Variants in MLPH observed in about 807,000 individuals in gnomAD.
MLPH encodes exophilin-3.
A neutral mutation model predicts 72.1 loss-of-function variants in MLPH; 51 were observed. That is an observed-to-expected ratio of 0.71 (90% CI 0.56 to 0.89). The LOEUF is 0.89. MLPH is among the 40% of genes least tolerant of loss of function. The pLI is 0.00. For missense variants in MLPH, 743 were observed against 759.9 expected (o/e 0.98, Z 0.26); for synonymous variants, 301 against 310.1 (o/e 0.97, Z 0.31).
chr2:237,537,767 G>A (rs1042198219), intron 9 of MLPH: 1 of 152,220 alleles, frequency 6.6e-6, no homozygotes. Context: ...TGCAGCCCAG[G>A]GGCGCCGTGG....
At chr2:237,509,706 G>A (rs149633016) in intron 2 of MLPH, among the ~76,000 whole-genome samples, 1 of 152,224 alleles carries the variant, frequency 6.6e-6, no homozygotes, top group African/African-American at 2.4e-5. Context: ...GTAAATAGTG[G>A]AGAGAGGAAA....
At position 237,541,045 on chromosome 2, in the gene MLPH, TC is replaced by T; in HGVS notation, c.1446+90del. The stretch of plus-strand genomic sequence containing the variant: ...CCTTGAACATCTGCCAGCTCTAACA[TC>T]CGCCAGCTCACACTGAGCCCTCCCC... On this transcript the variant is annotated intron_variant, in intron 11 of 15. Transcript: ENST00000264605. This position sits in a 1 kb window ranked among gnomAD's most constrained non-coding sequence, Gnocchi z 5.1. 6.7e-7 allele frequency: 1 copy of T among 1,494,566 alleles called. No homozygotes were observed. Among genetic ancestry groups the T allele is most frequent in the African/African-American group, 1.4e-5 (1 of 71,948 alleles). 92.6% of individuals were successfully genotyped at this position (1,494,566 alleles called of 1,614,324 possible).
chr2:237,500,189 G>A (rs1473578509), intron 2 of MLPH, among the ~76,000 whole-genome samples: 2 of 152,122 alleles, frequency 1.3e-5, no homozygotes, highest in African/African-American at 2.4e-5. Flanking sequence ...GGAACTTCTT[G>A]GACTCTTTAA....
intron 9 of MLPH, among the ~76,000 whole-genome samples, chr2:237,539,937 G>C (rs1217269931): frequency 1.3e-5 from 2 of 152,172 alleles, no homozygotes; most frequent in African/African-American, 2.4e-5. Context: ...AGCCCCTGAA[G>C]CTGGACCCGA....
intron 4 of MLPH, among the ~76,000 whole-genome samples, chr2:237,515,314 G>A (rs1051936275): frequency 6.6e-6 from 1 of 152,274 alleles, no homozygotes; most frequent in Middle Eastern, 3.4e-3. Context: ...CCGAATGCTC[G>A]CCAGGTGCCG....
intron 14 of MLPH, among the ~76,000 whole-genome samples, chr2:237,551,074 A>C (rs2081028310): frequency 6.6e-6 from 1 of 152,258 alleles, no homozygotes; most frequent in Non-Finnish European, 1.5e-5. Context: ...CCTCACCAGC[A>C]TCTGCCAAGC....
In MLPH at chr2:237,510,721, C is replaced by T; in HGVS notation, c.258C>T (p.Leu86=). The part of the protein sequence containing the change: ...NSKRQCLECG[L]FTCKSCGRVH... ...AAAGGCAGTGCCTGGAATGTGGCCT[C>T]TTCACCTGCAAAAGCTGTGGCCGCG... The change falls in exon 3 of 16, where the codon CTC becomes CTT. Residue 86 remains leucine, a synonymous_variant. Coordinates refer to ENST00000264605, the MANE Select transcript of MLPH (RefSeq NM_024101.7). The surrounding 1 kb of genome is among the most constrained non-coding windows in gnomAD (Gnocchi z 4.4). 6.2e-7 allele frequency: 1 copy of T among 1,613,750 alleles called. No homozygotes were observed. The highest frequency in any genetic ancestry group is 8.5e-7 in the Non-Finnish European group (1 of 1,180,042).
intron 9 of MLPH, among the ~76,000 whole-genome samples, chr2:237,536,670 C>G (rs2080537485): frequency 6.6e-6 from 1 of 152,204 alleles, no homozygotes; most frequent in African/African-American, 2.4e-5. Context: ...AACACTGACC[C>G]AGGTCTCACT....
At chr2:237,506,902 G>A (rs1291095880) in intron 2 of MLPH, among the ~76,000 whole-genome samples, 1 of 152,024 alleles carries the variant, frequency 6.6e-6, no homozygotes, top group Non-Finnish European at 1.5e-5. Flanking sequence ...ATGTTTTCTA[G>A]GCTGTAGTAT....
chr2:237,509,345 G>T lies in MLPH; in HGVS notation c.111-1229G>T, dbSNP rs75147294. Among the ~76,000 whole-genome samples, 773 of 152,254 alleles carry T rather than the reference G, an allele frequency of 5.1e-3. 12 individuals carry two copies. The highest frequency in any genetic ancestry group is 0.018 in the African/African-American group (751 of 41,528). ...TACACATGTCCTTGTCTTTCTTCCT[G>T]CTGTGCTGGCCCTCAGGGTACCGTT... On this transcript the variant is annotated intron_variant, in intron 2 of 15. Coordinates refer to ENST00000264605, the MANE Select transcript of MLPH (RefSeq NM_024101.7).
Position 237,513,002 on chromosome 2 carries a change from G to A in MLPH, c.445+1901G>A, listed in dbSNP as rs532926727. Among the ~76,000 whole-genome samples, 3 of 151,768 alleles carry A rather than the reference G, an allele frequency of 2.0e-5. No individual in the cohort carries two copies. In the South Asian group the frequency reaches 6.2e-4, roughly 32 times the overall value. On this transcript the variant is annotated intron_variant, in intron 4 of 15. Transcript: ENST00000264605. ...CTTGGATTCCCAGCAGCTCCCCCAAGCGCCCACAGGGGCTGCATTCCTCCC... is the reference window on the plus strand; with the variant it reads ...CTTGGATTCCCAGCAGCTCCCCCAAACGCCCACAGGGGCTGCATTCCTCCC...
intron 1 of MLPH, among the ~76,000 whole-genome samples, chr2:237,490,671 A>T (rs1216361026): frequency 6.6e-6 from 1 of 152,134 alleles, no homozygotes; most frequent in Non-Finnish European, 1.5e-5. Flanking sequence ...TGCTCTTCTT[A>T]TGATCCCTTT....
intron 2 of MLPH, among the ~76,000 whole-genome samples, chr2:237,499,621 T>C (rs1372693161): frequency 6.6e-6 from 1 of 152,216 alleles, no homozygotes; most frequent in Non-Finnish European, 1.5e-5. Flanking sequence ...ACAACGGATT[T>C]AACAATAGGT....
chr2:237,514,460 AT>A (rs1282457893), intron 4 of MLPH, among the ~76,000 whole-genome samples: 1 of 151,578 alleles, frequency 6.6e-6, no homozygotes, highest in African/African-American at 2.4e-5. Context: ...TGATATTTGT[AT>A]GTTTTATGGC....
intron 4 of MLPH, chr2:237,511,418 G>T (rs1007658063): frequency 3.6e-5 from 13 of 364,912 alleles, no homozygotes; most frequent in Non-Finnish European, 6.8e-5. Context: ...TGTGAAATTG[G>T]CTCCTTTTTA....
intron 8 of MLPH, among the ~76,000 whole-genome samples, chr2:237,529,115 T>A (rs2080366573): frequency 6.6e-6 from 1 of 152,092 alleles, no homozygotes; most frequent in Admixed American, 6.6e-5. Flanking sequence ...CAATCTCGGC[T>A]CACTGCAAGC....
intron 1 of MLPH, among the ~76,000 whole-genome samples, chr2:237,491,437 T>TGAGGGCCG (rs2079426501): frequency 6.6e-6 from 1 of 152,212 alleles, no homozygotes; most frequent in East Asian, 1.9e-4. Context: ...CTGCAGCATC[T>TGAGGGCCG]GAGGGCCGAG....
intron 9 of MLPH, among the ~76,000 whole-genome samples, chr2:237,536,232 G>A (rs2080527833): frequency 6.6e-6 from 1 of 152,056 alleles, no homozygotes. Context: ...CACAGGCTCT[G>A]ACCCCGGCCG....
At chr2:237,519,825 G>A (rs1001901265) in intron 5 of MLPH, 85 bp from the exon 6 acceptor site, 3 of 1,599,740 alleles carry the variant, frequency 1.9e-6, no homozygotes, top group Admixed American at 3.3e-5. Flanking sequence ...GGGGCTGAGT[G>A]TGGGGTTGGG....
Sources: allele counts gnomAD v4.1 joint callset (sites outside exome capture counted in the v4.1 genomes callset), GRCh38; gene constraint gnomAD v4.1.1; non-coding constraint Gnocchi (gnomAD v3.1); transcripts MANE v1.5; gene names NCBI Gene and HGNC (gene_info 2026-07-23, HGNC 2026-07-21).